The following NCOA1 variants were observed in gnomAD, a reference collection of about 807,000 sequenced individuals.
The protein encoded by NCOA1 is nuclear receptor coactivator 1, also known as Hin-2 protein.
NCOA1 carries 35 observed loss-of-function variants against 150.9 expected under a neutral mutation model. The observed-to-expected ratio is 0.23, with a 90% confidence interval of 0.18 to 0.31. The LOEUF (loss-of-function observed/expected upper bound fraction) is 0.31, where lower values mean the gene tolerates loss of function less well. Among genes scored for constraint, NCOA1 ranks in the 10% least tolerant of loss-of-function variants. NCOA1 has a pLI of 1.00. For synonymous variants in NCOA1, 590 were observed against 630.0 expected (o/e 0.94, Z 0.95); for missense variants, 1,491 against 1,749.3 (o/e 0.85, Z 2.63).
chr2:24,761,222 T>G (rs1572694935), intron 21 of NCOA1, among the ~76,000 whole-genome samples: 1 of 152,362 alleles, frequency 6.6e-6, no homozygotes, highest in East Asian at 1.9e-4. Flanking sequence ...CTTCAGAGAC[T>G]TCAGTTGCAT....
intron 4 of NCOA1, among the ~76,000 whole-genome samples, chr2:24,651,354 G>T (rs1452767417): frequency 1.3e-5 from 2 of 152,012 alleles, no homozygotes; most frequent in Non-Finnish European, 2.9e-5. Flanking sequence ...TATATGCAAT[G>T]GAATATTATT....
intron 1 of NCOA1, among the ~76,000 whole-genome samples, chr2:24,492,827 T>C: frequency 1.3e-5 from 2 of 152,166 alleles, no homozygotes; most frequent in East Asian, 3.9e-4. Flanking sequence ...TACATTTCAG[T>C]GATTAAGAAA....
At chr2:24,675,394 G>C (rs1187685529) in intron 7 of NCOA1, among the ~76,000 whole-genome samples, 3 of 152,116 alleles carry the variant, frequency 2.0e-5, no homozygotes. Flanking sequence ...GAACCATCTG[G>C]GCAGTGCCCT....
At chr2:24,750,244 A>T (rs1156561456) in intron 19 of NCOA1, among the ~76,000 whole-genome samples, 1 of 152,360 alleles carries the variant, frequency 6.6e-6, no homozygotes, top group East Asian at 1.9e-4. Context: ...AGAAATTAAC[A>T]AACTTATCCT....
intron 1 of NCOA1, among the ~76,000 whole-genome samples, chr2:24,558,463 G>A (rs986196767): frequency 1.7e-4 from 26 of 152,226 alleles, no homozygotes; most frequent in African/African-American, 6.0e-4. Context: ...GAGAAAATAA[G>A]GAAGAAGCAA....
intron 2 of NCOA1, among the ~76,000 whole-genome samples, chr2:24,580,291 G>A (rs1257718585): frequency 6.6e-6 from 1 of 152,118 alleles, no homozygotes; most frequent in East Asian, 1.9e-4. Flanking sequence ...TGCCAAACAT[G>A]GAAAATTGTC....
In NCOA1 at chr2:24,711,049, A is replaced by C. The variant is rs1044792518; in HGVS notation, c.2537A>C (p.Lys846Thr). 24 of 1,614,218 alleles carry C rather than the reference A, an allele frequency of 1.5e-5. No homozygotes were observed. The highest frequency in any genetic ancestry group is 2.0e-5 in the Non-Finnish European group (24 of 1,180,030). ...GGTGCGGTCACCAGTGTAACCATCAAATCGGAGATCCTGCCAGCTTCACTT... is the reference window on the plus strand; with the variant it reads ...GGTGCGGTCACCAGTGTAACCATCACATCGGAGATCCTGCCAGCTTCACTT... ...MDGAVTSVTIKSEILPASLQS... is the reference protein window; with the variant it reads ...MDGAVTSVTITSEILPASLQS... Residue 846 changes from lysine (K) to threonine (T), a missense_variant, in exon 14 of 23, where the codon AAA becomes ACA. Transcript: ENST00000348332.
intron 3 of NCOA1, among the ~76,000 whole-genome samples, chr2:24,600,816 C>T (rs867802672): frequency 6.6e-6 from 1 of 152,154 alleles, no homozygotes; most frequent in Non-Finnish European, 1.5e-5. Flanking sequence ...TAGTAAATAT[C>T]TTCTTTGGAT....
At chr2:24,631,422 T>A (rs1558856524) in intron 3 of NCOA1, among the ~76,000 whole-genome samples, 1 of 152,214 alleles carries the variant, frequency 6.6e-6, no homozygotes, top group African/African-American at 2.4e-5. Context: ...AAATAATATG[T>A]AAATCATTGG....
intron 3 of NCOA1, among the ~76,000 whole-genome samples, chr2:24,595,957 G>GTCTTTGACAGCA (rs1303027977): frequency 6.6e-6 from 1 of 152,152 alleles, no homozygotes; most frequent in African/African-American, 2.4e-5. Context: ...AGGAAAATCT[G>GTCTTTGACAGCA]TCTTTGACAG....
At chr2:24,512,955 TTG>T (rs1192810987) in intron 1 of NCOA1, among the ~76,000 whole-genome samples, 1 of 152,184 alleles carries the variant, frequency 6.6e-6, no homozygotes, top group African/African-American at 2.4e-5. Flanking sequence ...ATGAAATGAT[TTG>T]TGTGTGTGGG....
intron 7 of NCOA1, among the ~76,000 whole-genome samples, chr2:24,680,761 A>G (rs1204660367): frequency 6.6e-6 from 1 of 152,214 alleles, no homozygotes; most frequent in South Asian, 2.1e-4. Flanking sequence ...TATATGAGGT[A>G]GTGCTTATGT....
intron 2 of NCOA1, among the ~76,000 whole-genome samples, chr2:24,581,207 A>G (rs200160859): frequency 6.6e-6 from 1 of 152,208 alleles, no homozygotes; most frequent in African/African-American, 2.4e-5. Context: ...TTCTCCAAAA[A>G]CAGCCTGTGG....
chr2:24,552,045 T>C (rs917409367), intron 1 of NCOA1, among the ~76,000 whole-genome samples: 11 of 152,062 alleles, frequency 7.2e-5, no homozygotes, highest in African/African-American at 2.7e-4. Flanking sequence ...TCTTAATTGC[T>C]GTAGCTTTAT....
intron 17 of NCOA1, among the ~76,000 whole-genome samples, chr2:24,737,964 T>A (rs1297506562): frequency 6.6e-6 from 1 of 152,200 alleles, no homozygotes; most frequent in Non-Finnish European, 1.5e-5. Context: ...TATATCAGTT[T>A]TGGTATTTAA....
chr2:24,572,871 A>T (rs923213983), intron 2 of NCOA1, among the ~76,000 whole-genome samples: 1 of 152,202 alleles, frequency 6.6e-6, no homozygotes, highest in Non-Finnish European at 1.5e-5. Flanking sequence ...TGACTGTGTT[A>T]AAGAAAGGGA....
intron 3 of NCOA1, among the ~76,000 whole-genome samples, chr2:24,625,446 TG>T (rs1669366247): frequency 6.6e-6 from 1 of 152,124 alleles, no homozygotes; most frequent in South Asian, 2.1e-4. Flanking sequence ...AAAATTTTGT[TG>T]ATCTTTTCAA....
chr2:24,593,250 T>G, intron 3 of NCOA1, among the ~76,000 whole-genome samples: 1 of 152,048 alleles, frequency 6.6e-6, no homozygotes, highest in East Asian at 1.9e-4. Flanking sequence ...ATTAAACTCT[T>G]TACAGAAAAG....
chr2:24,729,429 C>T, intron 16 of NCOA1, 72 bp from the exon 17 acceptor site: 6 of 1,398,802 alleles, frequency 4.3e-6, no homozygotes, highest in South Asian at 3.9e-5. Context: ...ATGGTGCTTT[C>T]TAGAAATACG....
Sources: gnomAD v4.1 joint callset for allele counts (sites outside exome capture counted in the v4.1 genomes callset) on GRCh38, gnomAD v4.1.1 for gene constraint, MANE v1.5 for transcripts, NCBI Gene and HGNC (gene_info 2026-07-23, HGNC 2026-07-21) for gene names.